The following TTC6 variants were observed in gnomAD, a reference collection of about 807,000 sequenced individuals.
The protein encoded by TTC6 is tetratricopeptide repeat domain 6.
In TTC6, 172 loss-of-function variants were observed where a neutral mutation model predicts 210.4. The observed-to-expected ratio is 0.82, with a 90% confidence interval of 0.72 to 0.93. The LOEUF is 0.93. Ranked by LOEUF, TTC6 falls within the 40% of genes least tolerant of loss-of-function variation. TTC6 has a pLI of 0.00. For missense variants in TTC6, 2,414 were observed against 2,318.1 expected (o/e 1.04, Z -0.85); for synonymous variants, 804 against 819.6 (o/e 0.98, Z 0.32).
chr14:37,682,492 G>A (rs943946979), intron 2 of TTC6, among the ~76,000 whole-genome samples: 4 of 152,074 alleles, frequency 2.6e-5, no homozygotes, highest in East Asian at 1.9e-4. Context: ...ATTTGGTATT[G>A]TATGCCATCT....
intron 25 of TTC6, among the ~76,000 whole-genome samples, chr14:37,816,228 G>A (rs1035645434): frequency 5.3e-5 from 8 of 152,168 alleles, no homozygotes; most frequent in South Asian, 2.1e-4. Flanking sequence ...CTAATACTGC[G>A]TCCTCCAGCA....
chr14:37,813,415 G>T (rs941298122), intron 25 of TTC6, among the ~76,000 whole-genome samples: 1 of 152,180 alleles, frequency 6.6e-6, no homozygotes. Flanking sequence ...GAGGTGGAGA[G>T]AGTGAGATAG....
At chr14:37,666,254 C>T (rs746974156) in intron 1 of TTC6, among the ~76,000 whole-genome samples, 5 of 149,666 alleles carry the variant, frequency 3.3e-5, no homozygotes, top group East Asian at 1.9e-4. Flanking sequence ...CATTCCCCAT[C>T]GATCTGCTTT....
At chr14:37,685,652 AAAG>A (rs1230427145) in intron 3 of TTC6, among the ~76,000 whole-genome samples, 3 of 152,200 alleles carry the variant, frequency 2.0e-5, no homozygotes, top group African/African-American at 7.2e-5. Context: ...TGATCTTTAG[AAAG>A]AAGAATTCAT....
At chr14:37,702,628 C>T (rs2095827706) in intron 5 of TTC6, among the ~76,000 whole-genome samples, 1 of 152,062 alleles carries the variant, frequency 6.6e-6, no homozygotes, top group Non-Finnish European at 1.5e-5. Flanking sequence ...TAAATGGAAA[C>T]TTTTTTAGTA....
rs536541357 is a variant in TTC6 at position 37,609,543 on chromosome 14, T to C, written c.-155+2801T>C. 4.6e-5 allele frequency among the ~76,000 whole-genome samples: 7 copies of C among 152,354 alleles called. No homozygotes were observed. The South Asian group carries it at 1.4e-3, about 32-fold the overall frequency. On this transcript the variant is annotated intron_variant, in intron 2 of 2. Coordinates refer to the TTC6 transcript ENST00000556845. ...CAATCTCTTATCTGTACAATGAAGA[T>C]GATAATACTGCCTAGTTCATGGATT...
chr14:37,751,142 C>A (rs1420151354), exon 13 of TTC6: 1 of 1,532,764 alleles, frequency 6.5e-7, no homozygotes, highest in East Asian at 2.5e-5. Context: ...TAAATCCACG[C>A]CCACAGATGC....
At chr14:37,609,462 C>G (rs1439795937) in intron 2 of TTC6, among the ~76,000 whole-genome samples, 1 of 152,118 alleles carries the variant, frequency 6.6e-6, no homozygotes, top group Non-Finnish European at 1.5e-5. Flanking sequence ...AACAGAGGTT[C>G]CTAGCACAGG....
At chr14:37,703,454 T>C (rs1419595215) in intron 5 of TTC6, among the ~76,000 whole-genome samples, 1 of 152,160 alleles carries the variant, frequency 6.6e-6, no homozygotes, top group Non-Finnish European at 1.5e-5. Flanking sequence ...TTTCAAAATA[T>C]ATCTGTCTGC....
chr14:37,806,216 A>G (rs2096118232), intron 21 of TTC6, 145 bp from the exon 24 acceptor site: 1 of 780,954 alleles, frequency 1.3e-6, no homozygotes, highest in Non-Finnish European at 1.9e-6. Context: ...TTGTTCCATG[A>G]GGTCCATTAG....
chr14:37,767,311 A>G (rs2096002542), intron 14 of TTC6, among the ~76,000 whole-genome samples: 1 of 152,288 alleles, frequency 6.6e-6, no homozygotes, highest in Non-Finnish European at 1.5e-5. Context: ...TTGGGTATAT[A>G]CCCAGTAATG....
At chr14:37,645,888 C>T (rs1396919931) in intron 1 of TTC6, among the ~76,000 whole-genome samples, 1 of 151,928 alleles carries the variant, frequency 6.6e-6, no homozygotes, top group East Asian at 1.9e-4. Context: ...GAGCAAAATT[C>T]ATAAATAATT....
rs753098496 is a variant in TTC6, at chr14:37,807,453, A to G, written c.4448A>G (p.Tyr1483Cys). The change falls in exon 23 of 31, where the codon TAC (tyrosine) becomes TGC (cysteine). Residue 1483 changes from tyrosine to cysteine, a missense_variant. Coordinates refer to ENST00000553443, the Ensembl canonical transcript of TTC6. The stretch of plus-strand genomic sequence containing the variant: ...CTCTACAGAGGAGTTCTGAAATACT[A>G]CAACAAGGTAGGGCCATTTCCTGCC... 1.0e-5 allele frequency: 15 copies of G among 1,501,052 alleles called. 1 individual carries two copies. The highest frequency in any genetic ancestry group is 5.1e-5 in the South Asian group (4 of 78,920). The allele number at this position is 1,501,052 out of a possible 1,614,324, so 93.0% of individuals were successfully genotyped here. A position where few individuals can be genotyped will look rare whatever the true frequency, so the allele number is the denominator to read the frequency against.
intron 2 of TTC6, chr14:37,611,219 G>C (rs2095633858): frequency 6.6e-6 from 1 of 152,346 alleles, no homozygotes; most frequent in African/African-American, 2.4e-5. Flanking sequence ...TCGTTGCTGG[G>C]CGACCGAGCG....
At chr14:37,622,888 C>G in exon 1 of TTC6, 3 of 1,535,124 alleles carry the variant, frequency 2.0e-6, no homozygotes, top group Non-Finnish European at 2.6e-6. Flanking sequence ...GTGATCCCCA[C>G]GTCCATCGAA....
At chr14:37,794,368 T>A (rs1212884576) in intron 17 of TTC6, among the ~76,000 whole-genome samples, 1 of 152,166 alleles carries the variant, frequency 6.6e-6, no homozygotes, top group African/African-American at 2.4e-5. Context: ...CCTGCTTCCA[T>A]GCACAAATTA....
In TTC6 at chr14:37,827,238, CA is replaced by C; in HGVS notation, c.5171del (p.His1724LeufsTer11). 1 of 1,612,926 alleles carries C rather than the reference CA, an allele frequency of 6.2e-7. No homozygotes were observed. Among genetic ancestry groups the C allele is most frequent in the South Asian group, 1.1e-5 (1 of 91,028 alleles). On this transcript the variant is annotated frameshift_variant, in exon 29 of 31. Transcript: ENST00000553443. LOFTEE classifies it high-confidence loss of function. ...ATTCTTAACAAATCGTGGGGTGATT[CA>C]TGAGTTTATGGGCCACAAACAGAAT... is the stretch of plus-strand genomic sequence containing the variant.
intron 8 of TTC6, 125 bp downstream of exon 10, chr14:37,736,135 C>T (rs960194385): frequency 3.2e-5 from 19 of 587,696 alleles, no homozygotes; most frequent in Middle Eastern, 3.7e-4. Flanking sequence ...TCTGTAATCC[C>T]GGCATTTTGG....
chr14:37,753,353 C>T (rs745715281), intron 14 of TTC6, 118 bp downstream of exon 16: 28 of 826,610 alleles, frequency 3.4e-5, no homozygotes, highest in Non-Finnish European at 4.8e-5. Context: ...AATCAATTTT[C>T]AGTGCCACCA....
Sources: gnomAD v4.1 joint callset for allele counts (sites outside exome capture counted in the v4.1 genomes callset) on GRCh38, gnomAD v4.1.1 for gene constraint, MANE v1.5 for transcripts, NCBI Gene and HGNC (gene_info 2026-07-23, HGNC 2026-07-21) for gene names.